DTD1: variants seen among roughly 807,000 people sequenced by gnomAD.
DTD1 encodes D-aminoacyl-tRNA deacylase 1.
A neutral mutation model predicts 25.6 loss-of-function variants in DTD1; 13 were observed. That is an observed-to-expected ratio of 0.51 (90% confidence interval 0.33 to 0.81). The LOEUF (loss-of-function observed/expected upper bound fraction) is 0.81, where lower values mean the gene tolerates loss of function less well. Among genes scored for constraint, DTD1 ranks in the 30% least tolerant of loss-of-function variants. DTD1 has a pLI of 0.02. For missense variants in DTD1, 193 were observed against 266.4 expected (o/e 0.72, Z 1.92); for synonymous variants, 110 against 103.6 (o/e 1.06, Z -0.37).
chr20:18,627,855 T>A (rs1173862407), intron 3 of DTD1, among the ~76,000 whole-genome samples: 3 of 152,160 alleles, frequency 2.0e-5, no homozygotes, highest in Non-Finnish European at 4.4e-5. Flanking sequence ...TCTGATGGTT[T>A]TAAAAACGGG....
At position 18,632,613 on chromosome 20, in the gene DTD1, T is replaced by G. The variant is rs1029444626; in HGVS notation, c.477+4380T>G. The G allele has an allele frequency of 6.1e-6, 6 of 984,746 alleles. No individual in the cohort carries two copies. The Admixed American group carries it at 3.1e-4, about 50-fold the overall frequency. The allele number at this position is 984,746 out of a possible 1,614,324, so 61.0% of individuals were successfully genotyped here. ...AAGCTTTTAATTCTCAGTGTTTTAT[T>G]TTTCCATTATATTCCAATCAGTAAT... On this transcript the variant is annotated intron_variant, in intron 4 of 5. Transcript: ENST00000377452.
At chr20:18,666,872 A>T (rs1228331819) in intron 4 of DTD1, among the ~76,000 whole-genome samples, 1 of 152,192 alleles carries the variant, frequency 6.6e-6, no homozygotes, top group African/African-American at 2.4e-5. Flanking sequence ...TTAGTTTCCA[A>T]CCCCTATAAA....
chr20:18,748,916 GT>G (rs140498753), intron 5 of DTD1, among the ~76,000 whole-genome samples: 21,233 of 152,206 alleles, frequency 0.14, 1,828 homozygotes, highest in Non-Finnish European at 0.19. Flanking sequence ...CACGGGAAGT[GT>G]TTGGAAAGGA....
intron 3 of DTD1, among the ~76,000 whole-genome samples, chr20:18,609,478 A>G (rs1192610400): frequency 6.6e-6 from 1 of 151,940 alleles, no homozygotes; most frequent in Non-Finnish European, 1.5e-5. Flanking sequence ...AGTGTTTCCT[A>G]TGCTCTAACT....
At chr20:18,691,336 A>G (rs565872591) in intron 4 of DTD1, among the ~76,000 whole-genome samples, 4 of 152,356 alleles carry the variant, frequency 2.6e-5, no homozygotes, top group African/African-American at 9.6e-5. Context: ...TCACAGTGCT[A>G]TTCATTCTAG....
chr20:18,697,148 C>T (rs540584863), intron 4 of DTD1, among the ~76,000 whole-genome samples: 74 of 151,438 alleles, frequency 4.9e-4, no homozygotes, highest in Admixed American at 8.6e-4. Flanking sequence ...AGGAGAATGG[C>T]GAGAACCTGG....
intron 5 of DTD1, among the ~76,000 whole-genome samples, chr20:18,751,851 T>TTG (rs1555804552): frequency 2.1e-4 from 31 of 150,378 alleles, no homozygotes; most frequent in East Asian, 7.8e-4. Context: ...GTTTTTTTTT[T>TTG]TTGTTGTTGT....
At chr20:18,595,333 C>A (rs1438725512) in intron 2 of DTD1, among the ~76,000 whole-genome samples, 1 of 151,958 alleles carries the variant, frequency 6.6e-6, no homozygotes, top group African/African-American at 2.4e-5. Flanking sequence ...GTGGTGCAAT[C>A]TTAGCTTACT....
intron 4 of DTD1, among the ~76,000 whole-genome samples, chr20:18,637,507 T>A (rs1361295094): frequency 2.0e-5 from 3 of 152,222 alleles, no homozygotes; most frequent in Non-Finnish European, 4.4e-5. Context: ...GTGTGCAAGA[T>A]TGTAGCAGTG....
At chr20:18,751,903 G>C (rs1403147742) in intron 5 of DTD1, among the ~76,000 whole-genome samples, 1 of 150,526 alleles carries the variant, frequency 6.6e-6, no homozygotes, top group Admixed American at 6.6e-5. Context: ...AAAACACAAA[G>C]AGCCCTAGGA....
At chr20:18,759,411 G>A (rs1311062819) in intron 5 of DTD1, among the ~76,000 whole-genome samples, 2 of 152,214 alleles carry the variant, frequency 1.3e-5, no homozygotes, top group Non-Finnish European at 2.9e-5. Flanking sequence ...TCCTTCAGGA[G>A]CTCTTTTAGG....
chr20:18,753,378 C>T (rs574056293), intron 5 of DTD1, among the ~76,000 whole-genome samples: 14 of 151,918 alleles, frequency 9.2e-5, no homozygotes, highest in South Asian at 2.1e-4. Flanking sequence ...GAGGCCGAGG[C>T]GGGTGGATCA....
At chr20:18,757,543 T>A (rs2061344231) in intron 5 of DTD1, among the ~76,000 whole-genome samples, 1 of 152,266 alleles carries the variant, frequency 6.6e-6, no homozygotes, top group Non-Finnish European at 1.5e-5. Context: ...GTGGTTTTTG[T>A]CGTTGGTTCT....
chr20:18,764,098 G>A lies in DTD1; in HGVS notation c.*758G>A, dbSNP rs2122547438. 6.6e-6 allele frequency: 1 copy of A among 152,178 alleles called. No individual in the cohort carries two copies. Among genetic ancestry groups the A allele is most frequent in the East Asian group, 1.9e-4 (1 of 5,184 alleles). 9.4% of individuals were successfully genotyped at this position (152,178 alleles called of 1,614,324 possible). Reference sequence around the variant, plus strand: ...CTAGCCAGTTTACAATTGATGACATGGTACTTGGAAGTGAGATGTCAGGAA... The same window carrying A: ...CTAGCCAGTTTACAATTGATGACATAGTACTTGGAAGTGAGATGTCAGGAA... On this transcript the variant is annotated 3_prime_UTR_variant, in exon 6 of 6. Transcript: ENST00000377452.
At chr20:18,690,002 GGT>G (rs2061038157) in intron 4 of DTD1, among the ~76,000 whole-genome samples, 1 of 80,994 alleles carries the variant, frequency 1.2e-5, no homozygotes, top group Admixed American at 1.2e-4. Flanking sequence ...CAGGCGTGGT[GGT>G]GTGTGTCTGT....
chr20:18,612,132 T>A (rs1009413004), intron 3 of DTD1, among the ~76,000 whole-genome samples: 13 of 149,818 alleles, frequency 8.7e-5, no homozygotes, highest in African/African-American at 3.2e-4. Context: ...CCTCCCGGGT[T>A]CACGCCATTC....
At chr20:18,621,623 A>G (rs895112809) in intron 3 of DTD1, among the ~76,000 whole-genome samples, 2 of 152,156 alleles carry the variant, frequency 1.3e-5, no homozygotes, top group Non-Finnish European at 2.9e-5. Flanking sequence ...ACAAATTAGG[A>G]CTTTAATAAA....
intron 3 of DTD1, among the ~76,000 whole-genome samples, chr20:18,600,477 T>C (rs6075376): frequency 0.84 from 127,406 of 152,168 alleles, 54,288 homozygotes; most frequent in Non-Finnish European, 0.93. Context: ...CTTCTTTCAT[T>C]GATACCACAC....
chr20:18,647,931 G>C (rs1191870592), intron 4 of DTD1, among the ~76,000 whole-genome samples: 1 of 152,158 alleles, frequency 6.6e-6, no homozygotes, highest in Non-Finnish European at 1.5e-5. Flanking sequence ...GGGGCCAGGG[G>C]AGAGTGGTGT....
Sources: gnomAD v4.1 joint callset for allele counts (sites outside exome capture counted in the v4.1 genomes callset) on GRCh38, gnomAD v4.1.1 for gene constraint, MANE v1.5 for transcripts, NCBI Gene and HGNC (gene_info 2026-07-23, HGNC 2026-07-21) for gene names.